CCDC122: variants seen among roughly 807,000 people sequenced by gnomAD.
CCDC122 encodes coiled-coil domain-containing protein 122.
Under a neutral mutation model 37.0 loss-of-function variants are expected in CCDC122, and 38 were observed. The observed-to-expected ratio is 1.03, with a 90% CI of 0.79 to 1.35. The LOEUF is 1.35. Ranked by LOEUF, CCDC122 falls within the 40% of genes most tolerant of loss-of-function variation. CCDC122 has a pLI of 0.00. For missense variants in CCDC122, 305 were observed against 310.0 expected (o/e 0.98, Z 0.12); for synonymous variants, 83 against 95.6 (o/e 0.87, Z 0.77).
rs117807737 is a variant in CCDC122 at position 43,851,818 on chromosome 13, C to T, written c.672+6963G>A. 9.9e-3 allele frequency among the ~76,000 whole-genome samples: 1,508 copies of T among 152,190 alleles called. 6 individuals are homozygous for T. Among genetic ancestry groups the T allele is most frequent in the Middle Eastern group, 0.021 (6 of 292 alleles). ...ACAAAACTGGGGCCTGATACAAGTC[C>T]CCCAGAGTTACAGCACACAGTCCAG... On this transcript the variant is annotated intron_variant, in intron 6 of 6. Transcript: ENST00000444614.
At chr13:43,859,042 G>A (rs961643284) in intron 5 of CCDC122, 145 bp from the exon 6 acceptor site, 12 of 552,144 alleles carry the variant, frequency 2.2e-5, no homozygotes, top group South Asian at 8.4e-5. Context: ...ACTTCTATAC[G>A]TATACAAAAA....
At chr13:43,876,542 A>G (rs1483736250) in intron 1 of CCDC122, among the ~76,000 whole-genome samples, 6 of 152,130 alleles carry the variant, frequency 3.9e-5, no homozygotes, top group African/African-American at 1.4e-4. Context: ...AACTCACTCT[A>G]TTACCTTTGT....
intron 3 of CCDC122, among the ~76,000 whole-genome samples, chr13:43,827,670 G>A (rs906822615): frequency 2.0e-5 from 3 of 152,158 alleles, no homozygotes; most frequent in East Asian, 3.9e-4. Context: ...ATATATGGAC[G>A]GTTGACTTTT....
chr13:43,825,058 A>C (rs1383358867), intron 3 of CCDC122, among the ~76,000 whole-genome samples: 17 of 152,222 alleles, frequency 1.1e-4, no homozygotes, highest in Admixed American at 1.1e-3. Context: ...TATATACTCA[A>C]AGGAAAATAA....
intron 6 of CCDC122, chr13:43,848,662 A>G (rs753766610): frequency 1.4e-5 from 3 of 207,366 alleles, no homozygotes; most frequent in Non-Finnish European, 2.5e-5. Flanking sequence ...TCATTCAGAT[A>G]TGGCCTAAAA....
chr13:43,819,902 C>T (rs1439660252), downstream of CCDC122, among the ~76,000 whole-genome samples: 3 of 151,982 alleles, frequency 2.0e-5, no homozygotes, highest in East Asian at 1.9e-4. Context: ...AAACAAAATA[C>T]ATATTTTGTC....
downstream of CCDC122, among the ~76,000 whole-genome samples, chr13:43,835,697 A>G (rs548294623): frequency 6.6e-6 from 1 of 152,364 alleles, no homozygotes; most frequent in South Asian, 2.1e-4. Flanking sequence ...TTTGAATCTC[A>G]ATATAAACTT....
chr13:43,833,774 C>A (rs1271684573), downstream of CCDC122, among the ~76,000 whole-genome samples: 1 of 59,688 alleles, frequency 1.7e-5, no homozygotes, highest in Non-Finnish European at 3.3e-5. Flanking sequence ...CCTGATGACA[C>A]AACAAGTCCA....
intron 2 of CCDC122, among the ~76,000 whole-genome samples, chr13:43,871,647 A>T (rs1954456695): frequency 6.6e-6 from 1 of 152,074 alleles, no homozygotes; most frequent in African/African-American, 2.4e-5. Context: ...TTCATGGGCC[A>T]TCTTCAGCAA....
At chr13:43,824,217 C>A (rs545575802) in intron 3 of CCDC122, among the ~76,000 whole-genome samples, 1 of 152,198 alleles carries the variant, frequency 6.6e-6, no homozygotes, top group South Asian at 2.1e-4. Context: ...ATGAAATAGA[C>A]CTCTTCTATA....
chr13:43,858,565 C>A, intron 6 of CCDC122: 1 of 249,594 alleles, frequency 4.0e-6, no homozygotes. Flanking sequence ...GGAGTGAATG[C>A]TTGCATTGTT....
chr13:43,866,089 C>T (rs956585026), intron 4 of CCDC122, among the ~76,000 whole-genome samples: 6 of 152,160 alleles, frequency 3.9e-5, no homozygotes, highest in African/African-American at 7.2e-5. Context: ...GACAAAAGGA[C>T]GACTCACATC....
Position 43,868,724 on chromosome 13 carries a change from T to A in CCDC122, c.126A>T (p.Glu42Asp). ...AATTGAACAGAACCTTTTTGTTTTT[T>A]TCTATCTCTGATGCTTGTGATTGTT... ...KQQQSQASEI[E>D]KNKKVLFNLK... Residue 42 changes from glutamate (E) to aspartate (D), a missense_variant, in exon 4 of 7, where the codon GAA becomes GAT. Transcript: ENST00000444614. The A allele has an allele frequency of 6.4e-7, 1 of 1,560,914 alleles. No individual in the cohort carries two copies. Among genetic ancestry groups the A allele is most frequent in the African/African-American group, 1.4e-5 (1 of 73,262 alleles).
chr13:43,829,102 T>C (rs1953065055), intron 3 of CCDC122, among the ~76,000 whole-genome samples: 1 of 152,202 alleles, frequency 6.6e-6, no homozygotes, highest in East Asian at 1.9e-4. Flanking sequence ...TTGACAAAAA[T>C]ACTGTTAAAG....
intron 3 of CCDC122, 60 bp downstream of exon 3, chr13:43,869,271 G>A (rs1954370429): frequency 1.6e-6 from 2 of 1,240,388 alleles, no homozygotes; most frequent in Non-Finnish European, 2.4e-6. Flanking sequence ...TATCCTGCCA[G>A]ACTACTTTTT....
intron 6 of CCDC122, 146 bp from the exon 7 acceptor site, chr13:43,837,575 TGTAAA>T: frequency 1.5e-6 from 1 of 675,140 alleles, no homozygotes; most frequent in Non-Finnish European, 2.3e-6. Context: ...AAACAGTAAT[TGTAAA>T]ACTGTTTATT....
downstream of CCDC122, among the ~76,000 whole-genome samples, chr13:43,832,499 CCAAAG>C (rs1953099184): frequency 1.3e-5 from 2 of 152,000 alleles, no homozygotes; most frequent in African/African-American, 4.8e-5. Flanking sequence ...TTAAAAGTTT[CCAAAG>C]CAATTTTCAT....
At position 43,828,395 on chromosome 13, in the gene CCDC122, T is replaced by G. The variant is rs1445689274; in HGVS notation, n.602-4384A>C. On this transcript the variant is annotated intron_variant and non_coding_transcript_variant, in intron 3 of 3. Transcript: ENST00000470137. Reference sequence around the variant, plus strand: ...ATATCCATGAGAACTTATACTTGCTTTGCAGCCACATCAAATGCCAAGTCT... The same window carrying G: ...ATATCCATGAGAACTTATACTTGCTGTGCAGCCACATCAAATGCCAAGTCT... Among the ~76,000 whole-genome samples, 6 of 152,324 alleles carry G rather than the reference T, an allele frequency of 3.9e-5. No individual in the cohort carries two copies. In the East Asian group the frequency reaches 1.2e-3, roughly 29 times the overall value.
chr13:43,876,194 C>T (rs986807107), intron 1 of CCDC122, among the ~76,000 whole-genome samples: 3 of 152,164 alleles, frequency 2.0e-5, no homozygotes, highest in Admixed American at 6.5e-5. Flanking sequence ...TTTAGTCACC[C>T]AGTTAGTGCC....
Sources: allele counts gnomAD v4.1 joint callset (sites outside exome capture counted in the v4.1 genomes callset), GRCh38; gene constraint gnomAD v4.1.1; transcripts MANE v1.5; gene names NCBI Gene and HGNC (gene_info 2026-07-23, HGNC 2026-07-21).